The following WDPCP variants were observed in gnomAD, a reference collection of about 807,000 sequenced individuals.
WDPCP encodes WD repeat containing planar cell polarity effector, also known as WD repeat-containing and planar cell polarity effector protein fritz homolog.
WDPCP carries 71 observed loss-of-function variants against 93.1 expected under a neutral mutation model. The observed-to-expected ratio is 0.76, with a 90% CI of 0.63 to 0.93. The LOEUF is 0.93. WDPCP is among the 40% of genes least tolerant of loss of function. The pLI is 0.00. For missense variants in WDPCP, 844 were observed against 887.4 expected (o/e 0.95, Z 0.62); for synonymous variants, 315 against 315.0 (o/e 1.00, Z 0.00).
intron 2 of WDPCP, among the ~76,000 whole-genome samples, chr2:63,803,630 A>G (rs929690986): frequency 7.9e-5 from 12 of 152,170 alleles, no homozygotes; most frequent in African/African-American, 2.9e-4. Context: ...ATAGAAAGCT[A>G]TTAAATATTA....
chr2:63,247,687 AAAC>A (rs1680395274), intron 14 of WDPCP, among the ~76,000 whole-genome samples: 1 of 151,612 alleles, frequency 6.6e-6, no homozygotes, highest in Non-Finnish European at 1.5e-5. Flanking sequence ...AAAAAAAAAA[AAAC>A]ACCACCAAAC....
At chr2:63,514,157 T>C (rs1383365038) in intron 1 of WDPCP, among the ~76,000 whole-genome samples, 1 of 152,160 alleles carries the variant, frequency 6.6e-6, no homozygotes, top group Non-Finnish European at 1.5e-5. Context: ...TTAAAATTGG[T>C]TGCCTCTGGA....
At chr2:63,683,919 A>G (rs1449294350) in intron 2 of WDPCP, among the ~76,000 whole-genome samples, 2 of 152,140 alleles carry the variant, frequency 1.3e-5, no homozygotes, top group Non-Finnish European at 2.9e-5. Flanking sequence ...GCAAGAGGAT[A>G]TAACCATTGT....
chr2:63,575,380 T>G (rs971018280), intron 1 of WDPCP, among the ~76,000 whole-genome samples: 7 of 125,084 alleles, frequency 5.6e-5, no homozygotes, highest in South Asian at 2.6e-4. Flanking sequence ...GTATATACAG[T>G]ATATACACGG....
intron 14 of WDPCP, among the ~76,000 whole-genome samples, chr2:63,195,701 G>A (rs762879468): frequency 3.3e-5 from 5 of 151,924 alleles, no homozygotes; most frequent in Admixed American, 6.6e-5. Context: ...GATGAACCAC[G>A]TAGGCTAAAA....
At chr2:63,509,889 T>C (rs1177545991) in intron 1 of WDPCP, among the ~76,000 whole-genome samples, 1 of 152,104 alleles carries the variant, frequency 6.6e-6, no homozygotes, top group Non-Finnish European at 1.5e-5. Flanking sequence ...AGGAAGAAGT[T>C]GAATCCCTGA....
intron 12 of WDPCP, among the ~76,000 whole-genome samples, chr2:63,355,540 A>G (rs1689956572): frequency 1.3e-5 from 2 of 152,184 alleles, no homozygotes; most frequent in Admixed American, 1.3e-4. Context: ...GCAACCATAC[A>G]AACAAGCTAA....
intron 9 of WDPCP, among the ~76,000 whole-genome samples, chr2:63,410,384 C>G (rs529667618): frequency 4.6e-5 from 7 of 152,110 alleles, no homozygotes; most frequent in African/African-American, 1.7e-4. Context: ...AATCTTGAAA[C>G]AAATCCTGGA....
intron 3 of WDPCP, among the ~76,000 whole-genome samples, chr2:63,610,261 A>G (rs1709600690): frequency 6.6e-6 from 1 of 152,230 alleles, no homozygotes; most frequent in South Asian, 2.1e-4. Flanking sequence ...ATAAAGTTAG[A>G]TTAAGAAGCT....
chr2:63,796,022 C>T (rs572476934), intron 2 of WDPCP, among the ~76,000 whole-genome samples: 1 of 152,286 alleles, frequency 6.6e-6, no homozygotes, highest in East Asian at 1.9e-4. Flanking sequence ...TTGTTTTAGA[C>T]ATGGTTGTGC....
intron 9 of WDPCP, among the ~76,000 whole-genome samples, chr2:63,419,329 A>G (rs1695673336): frequency 6.6e-6 from 1 of 151,956 alleles, no homozygotes; most frequent in Admixed American, 6.6e-5. Context: ...TTTAGTAAAG[A>G]CGGGGTTTCA....
chr2:63,782,723 G>A (rs1670412787), intron 2 of WDPCP, among the ~76,000 whole-genome samples: 1 of 151,170 alleles, frequency 6.6e-6, no homozygotes, highest in Admixed American at 6.6e-5. Flanking sequence ...ATCTGAAGCA[G>A]TCAGTCCACA....
intron 2 of WDPCP, among the ~76,000 whole-genome samples, chr2:63,707,900 C>T (rs922990299): frequency 2.0e-5 from 3 of 152,106 alleles, no homozygotes; most frequent in Non-Finnish European, 2.9e-5. Context: ...CACTCCAGAC[C>T]CTGTTTGCCT....
intron 3 of WDPCP, among the ~76,000 whole-genome samples, chr2:63,600,522 T>C (rs1474240111): frequency 2.0e-5 from 3 of 152,216 alleles, no homozygotes; most frequent in Non-Finnish European, 2.9e-5. Flanking sequence ...ATGTAATAAT[T>C]GTATCTACCT....
intron 13 of WDPCP, among the ~76,000 whole-genome samples, chr2:63,274,062 G>C (rs558088224): frequency 1.3e-5 from 2 of 152,202 alleles, no homozygotes; most frequent in South Asian, 4.1e-4. Flanking sequence ...CTTCTCGTCA[G>C]CACGTGGAAT....
intron 1 of WDPCP, among the ~76,000 whole-genome samples, chr2:63,566,452 G>A (rs1707061888): frequency 6.6e-6 from 1 of 152,164 alleles, no homozygotes; most frequent in Non-Finnish European, 1.5e-5. Flanking sequence ...ATTGATTGAT[G>A]TCTCATGTCT....
chr2:63,240,007 T>G (rs1275730863), intron 14 of WDPCP, among the ~76,000 whole-genome samples: 1 of 152,278 alleles, frequency 6.6e-6, no homozygotes, highest in East Asian at 1.9e-4. Context: ...GGATTCTATT[T>G]TGTCATATCT....
At chr2:63,613,941 G>C (rs1191298004) in intron 3 of WDPCP, among the ~76,000 whole-genome samples, 1 of 152,178 alleles carries the variant, frequency 6.6e-6, no homozygotes, top group Non-Finnish European at 1.5e-5. Context: ...CTGGAGAAAA[G>C]ACTAAACATC....
intron 1 of WDPCP, among the ~76,000 whole-genome samples, chr2:63,542,090 A>G (rs1704784395): frequency 6.6e-6 from 1 of 152,190 alleles, no homozygotes; most frequent in African/African-American, 2.4e-5. Context: ...GTGACTGCAT[A>G]GCAATATCTT....
Sources: gnomAD v4.1 joint callset for allele counts (sites outside exome capture counted in the v4.1 genomes callset) on GRCh38, gnomAD v4.1.1 for gene constraint, MANE v1.5 for transcripts, NCBI Gene and HGNC (gene_info 2026-07-23, HGNC 2026-07-21) for gene names.